The following FHIP1A variants were observed in gnomAD, a reference collection of about 807,000 sequenced individuals.
FHIP1A encodes FHF complex subunit HOOK-interacting protein 1A.
A neutral mutation model predicts 88.6 loss-of-function variants in FHIP1A; 61 were observed. The observed-to-expected ratio is 0.69, with a 90% CI of 0.56 to 0.85. The LOEUF is 0.85. Ranked by LOEUF, FHIP1A falls within the 40% of genes least tolerant of loss-of-function variation. FHIP1A has a pLI of 0.00. For missense variants in FHIP1A, 1,154 were observed against 1,273.5 expected, an observed-to-expected ratio of 0.91 and a Z score of 1.43; for synonymous variants, 478 against 496.0, an observed-to-expected ratio of 0.96 and a Z score of 0.48.
chr4:151,560,791 A>G (rs900924369), intron 3 of FHIP1A, among the ~76,000 whole-genome samples: 2 of 152,132 alleles, frequency 1.3e-5, no homozygotes, highest in Non-Finnish European at 2.9e-5. Flanking sequence ...CTGATATCTC[A>G]ATACTTGCTA....
intron 5 of FHIP1A, among the ~76,000 whole-genome samples, chr4:151,579,354 C>T (rs1025757326): frequency 3.3e-5 from 5 of 152,222 alleles, no homozygotes; most frequent in African/African-American, 7.2e-5. Flanking sequence ...GTTGGGGCAG[C>T]GGCTATGTGG....
chr4:151,460,282 G>A (rs1469333031), intron 2 of FHIP1A, among the ~76,000 whole-genome samples: 1 of 152,116 alleles, frequency 6.6e-6, no homozygotes, highest in African/African-American at 2.4e-5. Flanking sequence ...TAGCAAATAA[G>A]TGATCATTTT....
At chr4:151,541,449 T>A (rs2126728182) in intron 3 of FHIP1A, among the ~76,000 whole-genome samples, 1 of 152,350 alleles carries the variant, frequency 6.6e-6, no homozygotes, top group African/African-American at 2.4e-5. Context: ...GAGAGCTCAT[T>A]CTTTTGAGAC....
chr4:151,486,967 T>TG (rs1730110096), intron 3 of FHIP1A, among the ~76,000 whole-genome samples: 1 of 143,994 alleles, frequency 6.9e-6, no homozygotes, highest in Non-Finnish European at 1.5e-5. Context: ...AAACTCCATT[T>TG]AAAAAAAAAA....
intron 3 of FHIP1A, among the ~76,000 whole-genome samples, chr4:151,499,737 A>G (rs1400158166): frequency 6.6e-6 from 1 of 152,184 alleles, no homozygotes; most frequent in Non-Finnish European, 1.5e-5. Flanking sequence ...AAGCAAACAC[A>G]TCCTTCTTCA....
intron 10 of FHIP1A, among the ~76,000 whole-genome samples, chr4:151,648,922 A>AT (rs1242894067): frequency 2.6e-5 from 4 of 152,200 alleles, no homozygotes; most frequent in Middle Eastern, 6.8e-3. Context: ...AGTGAATATG[A>AT]TTTTACTCTA....
intron 3 of FHIP1A, among the ~76,000 whole-genome samples, chr4:151,543,810 A>G (rs1732386259): frequency 6.6e-6 from 1 of 152,216 alleles, no homozygotes; most frequent in South Asian, 2.1e-4. Flanking sequence ...CTAATTTTTT[A>G]TAACTAGAAA....
chr4:151,460,057 A>G (rs750079004), intron 2 of FHIP1A, among the ~76,000 whole-genome samples: 7 of 152,176 alleles, frequency 4.6e-5, no homozygotes, highest in Admixed American at 1.3e-4. Context: ...ATAGGAAAAC[A>G]TTTATTTTTG....
At position 151,481,005 on chromosome 4, in the gene FHIP1A, G is replaced by A. The variant is rs537463133; in HGVS notation, c.-247-1519G>A. On this transcript the variant is annotated intron_variant, in intron 2 of 13. Coordinates refer to ENST00000435205, the MANE Select transcript of FHIP1A (RefSeq NM_001109977.3). ...GCAGAAAAATTATTATGTGAAAGTG[G>A]CTTACCCTTTGAGGCTTGAGAAATC... Among the ~76,000 whole-genome samples, 9 of 152,064 alleles carry A rather than the reference G, an allele frequency of 5.9e-5. No individual in the cohort carries two copies. In the East Asian group the frequency reaches 1.7e-3, roughly 29 times the overall value.
intron 3 of FHIP1A, among the ~76,000 whole-genome samples, chr4:151,536,332 A>G (rs1452457393): frequency 1.3e-5 from 2 of 152,136 alleles, no homozygotes; most frequent in Admixed American, 1.3e-4. Context: ...ATTACATTCT[A>G]CAAAGTTTGC....
chr4:151,532,636 C>T lies in FHIP1A; in HGVS notation c.-122-33502C>T, dbSNP rs146927158. Among the ~76,000 whole-genome samples the T allele has an allele frequency of 5.4e-3, 822 of 151,992 alleles. 2 individuals are homozygous for T. The highest frequency in any genetic ancestry group is 9.2e-3 in the Non-Finnish European group (625 of 67,952). ...TGGTGGGGGGTGCTTTCTGGGATGG[C>T]GGTGGAGTCAGGGAGAGGACAGACA... On this transcript the variant is annotated intron_variant, in intron 3 of 13. Coordinates refer to ENST00000435205, the MANE Select transcript of FHIP1A (RefSeq NM_001109977.3).
Position 151,578,066 on chromosome 4 carries a change from A to G in FHIP1A, c.722A>G (p.Tyr241Cys), listed in dbSNP as rs1230460117. 5.8e-6 allele frequency: 9 copies of G among 1,549,020 alleles called. No individual in the cohort carries two copies. Among genetic ancestry groups the G allele is most frequent in the Non-Finnish European group, 7.0e-6 (8 of 1,145,966 alleles). ...GCCCATCACATCGTGGAGAACACCT[A>G]CTTTTGTCCAGTAAGTCTCTTTCCT... ...MVAHHIVENTYFCPVLATGLS... is the reference protein window; with the variant it reads ...MVAHHIVENTCFCPVLATGLS... The change falls in exon 5 of 14, where the codon TAC becomes TGC. Residue 241 changes from tyrosine (Y) to cysteine (C), a missense_variant. Tyr to Cys is a radical substitution (Grantham distance 194). Transcript: ENST00000435205.
At chr4:151,561,998 C>A (rs1260782850) in intron 3 of FHIP1A, among the ~76,000 whole-genome samples, 1 of 152,130 alleles carries the variant, frequency 6.6e-6, no homozygotes, top group Non-Finnish European at 1.5e-5. Context: ...CCTAAGAAAT[C>A]CTACTTTAGT....
At chr4:151,536,895 G>C (rs530164088) in intron 3 of FHIP1A, among the ~76,000 whole-genome samples, 1 of 151,606 alleles carries the variant, frequency 6.6e-6, no homozygotes, top group East Asian at 1.9e-4. Flanking sequence ...TTGTTTTTTT[G>C]ACAGTGTCTT....
intron 8 of FHIP1A, among the ~76,000 whole-genome samples, chr4:151,636,422 A>G (rs916162375): frequency 1.3e-5 from 2 of 152,020 alleles, no homozygotes; most frequent in African/African-American, 4.8e-5. Flanking sequence ...AGGGCAATTC[A>G]ATAAGAAAAT....
intron 3 of FHIP1A, among the ~76,000 whole-genome samples, chr4:151,485,341 G>A (rs1481077022): frequency 8.0e-6 from 1 of 124,628 alleles, no homozygotes; most frequent in Non-Finnish European, 1.6e-5. Context: ...AAATAAATAT[G>A]TATAATTTAT....
chr4:151,540,483 A>G (rs1732243229), intron 3 of FHIP1A, among the ~76,000 whole-genome samples: 1 of 152,222 alleles, frequency 6.6e-6, no homozygotes, highest in Non-Finnish European at 1.5e-5. Context: ...TACATTTCAT[A>G]AAATGGTAAA....
Position 151,649,981 on chromosome 4 carries a change from T to C in FHIP1A, c.1940T>C (p.Leu647Pro). ...DFQDDVMVYR[L>P]CAEKDSEDMK... ...CAGGATGATGTGATGGTGTACAGGC[T>C]GTGTGCTGAGAAGGACTCCGAGGAC... Residue 647 changes from leucine (L) to proline (P), a missense_variant, in exon 11 of 14, where the codon CTG (leucine) becomes CCG (proline). Physicochemically the swap from Leu to Pro is moderately conservative, Grantham distance 98. Coordinates refer to ENST00000435205, the MANE Select transcript of FHIP1A (RefSeq NM_001109977.3). 6.4e-7 allele frequency: 1 copy of C among 1,551,580 alleles called. No homozygotes were observed. The highest frequency in any genetic ancestry group is 1.4e-5 in the African/African-American group (1 of 73,106).
At position 151,455,715 on chromosome 4, in the gene FHIP1A, T is replaced by C. The variant is rs797008257; in HGVS notation, c.-248+907T>C. 5.3e-5 allele frequency among the ~76,000 whole-genome samples: 8 copies of C among 152,210 alleles called. No homozygotes were observed. In the South Asian group the frequency reaches 1.2e-3, roughly 24 times the overall value. Reference sequence around the variant, plus strand: ...AGTGGGACCACATTTCAGTCTTTGTTATTACACAGAATATAGCACTGCTTC... The same window carrying C: ...AGTGGGACCACATTTCAGTCTTTGTCATTACACAGAATATAGCACTGCTTC... On this transcript the variant is annotated intron_variant, in intron 2 of 13. Transcript: ENST00000435205.
Sources: allele counts gnomAD v4.1 joint callset (sites outside exome capture counted in the v4.1 genomes callset), GRCh38; gene constraint gnomAD v4.1.1; transcripts MANE v1.5; gene names NCBI Gene and HGNC (gene_info 2026-07-23, HGNC 2026-07-21).